The following SCD5 variants were observed in gnomAD, a reference collection of about 807,000 sequenced individuals.
SCD5 encodes the protein acyl-CoA-desaturase 4.
A neutral mutation model predicts 30.4 loss-of-function variants in SCD5; 20 were observed. The ratio of observed to expected loss-of-function variants is 0.66; its 90% confidence interval spans 0.46 to 0.96. The LOEUF is 0.96. Among genes scored for constraint, SCD5 ranks in the 40% least tolerant of loss-of-function variants. The probability of loss-of-function intolerance (pLI) is 0.00; values close to 1 mark genes in which losing one functional copy is unlikely to be tolerated. For missense variants in SCD5, 381 were observed against 443.3 expected, an observed-to-expected ratio of 0.86 and a Z score of 1.26; for synonymous variants, 173 against 176.4, an observed-to-expected ratio of 0.98 and a Z score of 0.16.
At chr4:82,643,299 A>C (rs1727580385) in intron 3 of SCD5, among the ~76,000 whole-genome samples, 1 of 152,210 alleles carries the variant, frequency 6.6e-6, no homozygotes, top group Non-Finnish European at 1.5e-5. Flanking sequence ...ACATGAACAG[A>C]TATCTGTATG....
intron 3 of SCD5, among the ~76,000 whole-genome samples, chr4:82,658,467 CTTTTTTTT>C (rs33912415): frequency 1.9e-5 from 2 of 105,548 alleles, no homozygotes; most frequent in South Asian, 3.5e-4. Flanking sequence ...GGTGGATAAG[CTTTTTTTT>C]TTTTTTTTTT....
At chr4:82,756,743 C>T (rs940471830) in intron 1 of SCD5, among the ~76,000 whole-genome samples, 2 of 150,384 alleles carry the variant, frequency 1.3e-5, no homozygotes, top group African/African-American at 4.9e-5. Flanking sequence ...CTTGTAGCCG[C>T]CCTCACCATC....
At position 82,683,576 on chromosome 4, in the gene SCD5, T is replaced by C. The variant is rs565036654; in HGVS notation, c.364-2664A>G. 6.6e-5 allele frequency among the ~76,000 whole-genome samples: 10 copies of C among 152,324 alleles called. No individual in the cohort carries two copies. In the South Asian group the frequency reaches 2.1e-3, roughly 32 times the overall value. On this transcript the variant is annotated intron_variant, in intron 2 of 4. Coordinates refer to ENST00000319540, the MANE Select transcript of SCD5 (RefSeq NM_001037582.3). ...AAATGTTGCAGGGAGGGATCTTTTA[T>C]GGAAAACTTTCTTTCATCTTGTTAA...
chr4:82,654,878 T>C (rs1476342118), intron 3 of SCD5, among the ~76,000 whole-genome samples: 1 of 152,116 alleles, frequency 6.6e-6, no homozygotes, highest in Non-Finnish European at 1.5e-5. Flanking sequence ...TATCTAGAAA[T>C]AAACCAAAAA....
chr4:82,631,549 A>C (rs756870518), intron 4 of SCD5, 32 bp from the exon 5 acceptor site: 2 of 1,603,832 alleles, frequency 1.2e-6, no homozygotes, highest in Non-Finnish European at 1.7e-6. Context: ...GATATAATTC[A>C]ATCACCACCT....
intron 2 of SCD5, among the ~76,000 whole-genome samples, chr4:82,682,618 A>C (rs538659505): frequency 6.6e-6 from 1 of 152,280 alleles, no homozygotes; most frequent in African/African-American, 2.4e-5. Context: ...GATTGGCTTC[A>C]TCCTTCTGAT....
intron 2 of SCD5, among the ~76,000 whole-genome samples, chr4:82,681,433 T>C (rs767044279): frequency 6.6e-6 from 1 of 152,220 alleles, no homozygotes; most frequent in Non-Finnish European, 1.5e-5. Context: ...TTCAGGCATA[T>C]ACCCAGTAAT....
Position 82,699,143 on chromosome 4 carries a change from C to A in SCD5, c.363+6140G>T, listed in dbSNP as rs192462327. Among the ~76,000 whole-genome samples, 438 of 152,240 alleles carry A rather than the reference C, an allele frequency of 2.9e-3. 3 individuals are homozygous for A. Among genetic ancestry groups the A allele is most frequent in the African/African-American group, 1.0e-2 (415 of 41,546 alleles). The stretch of plus-strand genomic sequence containing the variant: ...TTGAATCATCTTAAAACCATCCCCC[C>A]ACCCTGCCATCTATGGAAAAATTGC... On this transcript the variant is annotated intron_variant, in intron 2 of 4. Coordinates refer to ENST00000319540, the MANE Select transcript of SCD5 (RefSeq NM_001037582.3).
intron 1 of SCD5, among the ~76,000 whole-genome samples, chr4:82,736,605 C>T (rs968910665): frequency 5.1e-5 from 4 of 78,536 alleles, no homozygotes; most frequent in Admixed American, 4.6e-4. Context: ...TGAGACTTTG[C>T]CTCAAAAAAA....
At chr4:82,682,818 TTTTG>T (rs1264837607) in intron 2 of SCD5, among the ~76,000 whole-genome samples, 9 of 152,198 alleles carry the variant, frequency 5.9e-5, no homozygotes, top group East Asian at 1.9e-4. Flanking sequence ...CCAGCTAATT[TTTTG>T]TTTTTCTTTT....
At chr4:82,673,593 A>G (rs907377401) in intron 3 of SCD5, among the ~76,000 whole-genome samples, 2 of 152,206 alleles carry the variant, frequency 1.3e-5, no homozygotes, top group African/African-American at 4.8e-5. Context: ...AACTGGATCT[A>G]TATTCAATGC....
chr4:82,780,095 T>C (rs774698251), intron 1 of SCD5, among the ~76,000 whole-genome samples: 3 of 152,250 alleles, frequency 2.0e-5, no homozygotes, highest in South Asian at 2.1e-4. Context: ...CCATGCCTGA[T>C]GCACAGAAAG....
chr4:82,667,326 T>C (rs957961538), intron 3 of SCD5, among the ~76,000 whole-genome samples: 5 of 152,094 alleles, frequency 3.3e-5, no homozygotes, highest in Non-Finnish European at 1.5e-5. Flanking sequence ...AAAGCTCTAC[T>C]AGGAAAAGTA....
At chr4:82,758,102 A>C (rs1284233086) in intron 1 of SCD5, among the ~76,000 whole-genome samples, 3 of 152,154 alleles carry the variant, frequency 2.0e-5, no homozygotes, top group Admixed American at 2.0e-4. Flanking sequence ...GACTCTGGAG[A>C]CGTTCAGAGG....
rs1034972184 is a variant in SCD5 at position 82,713,792 on chromosome 4, G to A, written c.233-8379C>T. On this transcript the variant is annotated intron_variant, in intron 1 of 4. Coordinates refer to ENST00000319540, the MANE Select transcript of SCD5 (RefSeq NM_001037582.3). ...CCCAGCAACCATATTATATTTCCCCGATCCATATGCGGTCCCTCTCTCCTA... is the reference window on the plus strand; with the variant it reads ...CCCAGCAACCATATTATATTTCCCCAATCCATATGCGGTCCCTCTCTCCTA... Among the ~76,000 whole-genome samples the A allele has an allele frequency of 2.0e-5, 3 of 152,018 alleles. No homozygotes were observed. The South Asian group carries it at 6.2e-4, about 32-fold the overall frequency.
chr4:82,767,756 T>A (rs1002938077), intron 1 of SCD5, among the ~76,000 whole-genome samples: 5 of 152,192 alleles, frequency 3.3e-5, no homozygotes, highest in African/African-American at 1.2e-4. Flanking sequence ...TTTTCCTCTA[T>A]ATTTTTTGAC....
At chr4:82,659,317 T>G (rs1560526294) in intron 3 of SCD5, among the ~76,000 whole-genome samples, 1 of 152,214 alleles carries the variant, frequency 6.6e-6, no homozygotes, top group Non-Finnish European at 1.5e-5. Context: ...GGGTTTTTCG[T>G]GTCTCTATCT....
At chr4:82,754,511 C>T (rs573548454) in intron 1 of SCD5, among the ~76,000 whole-genome samples, 80 of 152,234 alleles carry the variant, frequency 5.3e-4, no homozygotes, top group Non-Finnish European at 9.1e-4. Context: ...TCCAGGCTCC[C>T]CCCAGGACCC....
At chr4:82,733,928 G>A (rs1044819506) in intron 1 of SCD5, among the ~76,000 whole-genome samples, 1 of 152,126 alleles carries the variant, frequency 6.6e-6, no homozygotes. Context: ...GCAAATCAGG[G>A]TGAGACCTAC....
Sources: gnomAD v4.1 joint callset for allele counts (sites outside exome capture counted in the v4.1 genomes callset) on GRCh38, gnomAD v4.1.1 for gene constraint, MANE v1.5 for transcripts, NCBI Gene and HGNC (gene_info 2026-07-23, HGNC 2026-07-21) for gene names.